MSH4: variants seen among roughly 807,000 people sequenced by gnomAD.
MSH4 encodes mutS protein homolog 4.
MSH4 carries 106 observed loss-of-function variants against 113.7 expected under a neutral mutation model. The observed-to-expected ratio is 0.93, with a 90% CI of 0.80 to 1.10. The LOEUF (loss-of-function observed/expected upper bound fraction) is 1.10, where lower values mean the gene tolerates loss of function less well. Ranked by LOEUF, MSH4 falls within the 50% of genes least tolerant of loss-of-function variation. The pLI is 0.00. For synonymous variants in MSH4, 368 were observed against 380.2 expected (o/e 0.97, Z 0.37); for missense variants, 1,061 against 1,093.7 (o/e 0.97, Z 0.42).
chr1:75,860,782 G>A (rs1651439181), intron 8 of MSH4, among the ~76,000 whole-genome samples: 1 of 152,126 alleles, frequency 6.6e-6, no homozygotes, highest in Non-Finnish European at 1.5e-5. Context: ...GATGTTCTCT[G>A]TATTTCTTGA....
intron 1 of MSH4, among the ~76,000 whole-genome samples, chr1:75,798,051 G>C (rs996462105): frequency 6.6e-6 from 1 of 152,094 alleles, no homozygotes; most frequent in Non-Finnish European, 1.5e-5. Context: ...GCAACACAAT[G>C]GTAAAGTAAC....
intron 9 of MSH4, among the ~76,000 whole-genome samples, chr1:75,868,095 A>G (rs1425895084): frequency 1.3e-5 from 2 of 152,106 alleles, no homozygotes; most frequent in African/African-American, 2.4e-5. Context: ...TTGAAGCATA[A>G]GGGTCAACTT....
chr1:75,801,442 C>T (rs1011454125), intron 1 of MSH4, among the ~76,000 whole-genome samples: 59 of 151,824 alleles, frequency 3.9e-4, no homozygotes, highest in African/African-American at 1.2e-3. Context: ...GGTGGGCATG[C>T]CTATAATGCC....
At chr1:75,810,513 C>T (rs1650169409) in intron 3 of MSH4, among the ~76,000 whole-genome samples, 184 bp from the exon 4 acceptor site, 1 of 151,032 alleles carries the variant, frequency 6.6e-6, no homozygotes, top group African/African-American at 2.4e-5. Flanking sequence ...CCTCAGCCTC[C>T]CAAAGTGCTG....
At chr1:75,802,914 A>G (rs1649971147) in intron 1 of MSH4, among the ~76,000 whole-genome samples, 1 of 152,116 alleles carries the variant, frequency 6.6e-6, no homozygotes, top group South Asian at 2.1e-4. Context: ...TCACATGGAG[A>G]GGGAGCTGAG....
chr1:75,906,748 T>G lies in MSH4; in HGVS notation c.2620-5948T>G, dbSNP rs1652665361. 1.3e-5 allele frequency among the ~76,000 whole-genome samples: 2 copies of G among 149,420 alleles called. 1 individual carries two copies. The highest frequency in any genetic ancestry group is 4.2e-4 in the South Asian group (2 of 4,756). ...TAACTTCATTCCCCTGACATTTTGA[T>G]TTTTTCTTGTCTCAATTTACACCTT... is the stretch of plus-strand genomic sequence containing the variant. On this transcript the variant is annotated intron_variant, in intron 19 of 19. Transcript: ENST00000263187.
chr1:75,858,740 G>A (rs1651381241), intron 8 of MSH4, among the ~76,000 whole-genome samples: 1 of 152,028 alleles, frequency 6.6e-6, no homozygotes, highest in African/African-American at 2.4e-5. Flanking sequence ...TTTTTCTTGT[G>A]TCTCTGCCAG....
At chr1:75,812,770 T>C (rs1222358218) in intron 4 of MSH4, among the ~76,000 whole-genome samples, 4 of 152,162 alleles carry the variant, frequency 2.6e-5, no homozygotes, top group African/African-American at 9.7e-5. Context: ...CCACAGAGGA[T>C]AGGAGACAGG....
Position 75,872,405 on chromosome 1 carries a change from TTACGTTTATATG to T in MSH4, c.1306-4528_1306-4517del, listed in dbSNP as rs141556560. 7.3e-4 allele frequency among the ~76,000 whole-genome samples: 111 copies of T among 152,296 alleles called. No homozygotes were observed. The East Asian group carries it at 0.02, about 27-fold the overall frequency. ...CAGTGATAAGAAAAAGAGGAATCAC[TTACGTTTATATG>T]TAACACAGAAAGTCAAGCTATTGGA... On this transcript the variant is annotated intron_variant, in intron 9 of 19. Transcript: ENST00000263187.
rs549632867 is a variant in MSH4 at position 75,901,559 on chromosome 1, T to C, written c.2619+1853T>C. Among the ~76,000 whole-genome samples the C allele has an allele frequency of 3.4e-3, 519 of 152,326 alleles. 1 individual carries two copies. The highest frequency in any genetic ancestry group is 5.8e-3 in the Non-Finnish European group (397 of 68,008). On this transcript the variant is annotated intron_variant, in intron 19 of 19. Transcript: ENST00000263187. ...CACATTTTCTTTATCCATTCATCTG[T>C]TAATGGACACTTAGGTTGATCCATA...
chr1:75,900,558 C>T (rs1652485467), intron 19 of MSH4, among the ~76,000 whole-genome samples: 2 of 152,070 alleles, frequency 1.3e-5, no homozygotes, highest in Non-Finnish European at 1.5e-5. Context: ...CCACCAACCT[C>T]GGGCTCCCAA....
At chr1:75,879,647 C>T (rs1313291561) in intron 12 of MSH4, among the ~76,000 whole-genome samples, 3 of 152,058 alleles carry the variant, frequency 2.0e-5, no homozygotes, top group African/African-American at 7.2e-5. Flanking sequence ...GCTTTTAGAG[C>T]TTGAGTACGA....
chr1:75,838,330 G>T (rs933843333), intron 7 of MSH4, among the ~76,000 whole-genome samples: 2 of 151,962 alleles, frequency 1.3e-5, no homozygotes, highest in African/African-American at 4.8e-5. Flanking sequence ...TTCTCTCTCT[G>T]ACACTGATCC....
At chr1:75,818,414 T>C (rs1409280328) in intron 6 of MSH4, among the ~76,000 whole-genome samples, 1 of 152,200 alleles carries the variant, frequency 6.6e-6, no homozygotes, top group Non-Finnish European at 1.5e-5. Context: ...TGCTACTTAC[T>C]TGGAAATCTT....
At chr1:75,830,148 G>T (rs530100411) in intron 7 of MSH4, among the ~76,000 whole-genome samples, 1 of 152,108 alleles carries the variant, frequency 6.6e-6, no homozygotes, top group East Asian at 1.9e-4. Context: ...GCGTGCACAA[G>T]CTTCAGTAGC....
chr1:75,897,733 C>G (rs1493366), intron 17 of MSH4, among the ~76,000 whole-genome samples, 174 bp from the exon 18 acceptor site: 2,145 of 152,188 alleles, frequency 0.014, 50 homozygotes, highest in African/African-American at 0.048. Context: ...TATAAAATCT[C>G]AAAACATTTT....
At chr1:75,870,648 A>G (rs975177091) in intron 9 of MSH4, among the ~76,000 whole-genome samples, 2 of 152,124 alleles carry the variant, frequency 1.3e-5, no homozygotes, top group Non-Finnish European at 2.9e-5. Context: ...GCCATGTAAA[A>G]CATGACTTTG....
chr1:75,808,227 A>G (rs1038760321), intron 3 of MSH4, among the ~76,000 whole-genome samples: 5 of 152,174 alleles, frequency 3.3e-5, no homozygotes, highest in African/African-American at 9.6e-5. Context: ...ATATTTATGA[A>G]GCTTGGTGCA....
intron 8 of MSH4, among the ~76,000 whole-genome samples, chr1:75,857,360 G>T (rs1651342347): frequency 6.6e-6 from 1 of 152,100 alleles, no homozygotes; most frequent in African/African-American, 2.4e-5. Context: ...TGAAGTCTTT[G>T]CCCATGCCTA....
Sources: gnomAD v4.1 joint callset for allele counts (sites outside exome capture counted in the v4.1 genomes callset) on GRCh38, gnomAD v4.1.1 for gene constraint, MANE v1.5 for transcripts, NCBI Gene and HGNC (gene_info 2026-07-23, HGNC 2026-07-21) for gene names.